HEATR5B: variants seen among roughly 807,000 people sequenced by gnomAD.
The protein encoded by HEATR5B is HEAT repeat-containing protein 5B.
A neutral mutation model predicts 224.1 loss-of-function variants in HEATR5B; 156 were observed. The ratio of observed to expected loss-of-function variants is 0.70; its 90% CI spans 0.61 to 0.80. The LOEUF (loss-of-function observed/expected upper bound fraction) is 0.80. Ranked by LOEUF, HEATR5B falls within the 30% of genes least tolerant of loss-of-function variation. HEATR5B has a pLI of 0.00. For synonymous variants in HEATR5B, 1,027 were observed against 893.0 expected, an observed-to-expected ratio of 1.15 and a Z score of -2.68; for missense variants, 2,323 against 2,535.5, an observed-to-expected ratio of 0.92 and a Z score of 1.80.
At chr2:37,027,769 G>T (rs918322540) in intron 24 of HEATR5B, among the ~76,000 whole-genome samples, 154 bp downstream of exon 24, 1 of 152,130 alleles carries the variant, frequency 6.6e-6, no homozygotes, top group Non-Finnish European at 1.5e-5. Flanking sequence ...ATGCAGAGGG[G>T]ACAGAAAACT....
chr2:36,985,397 T>TA (rs898252701), intron 35 of HEATR5B, among the ~76,000 whole-genome samples: 12 of 151,974 alleles, frequency 7.9e-5, no homozygotes, highest in African/African-American at 2.9e-4. Flanking sequence ...AAACATCTGT[T>TA]ATCTGAGTAG....
rs1212219060 is a variant in HEATR5B at position 37,070,348 on chromosome 2, A to G, written c.809T>C (p.Val270Ala). ...QNVKRATFDE[V>A]LELMATGFLR... The stretch of plus-strand genomic sequence containing the variant: ...AAATCCTGTGGCCATGAGTTCTAAG[A>G]CTTCATCAAATGTTGCTCGCTTCAC... Residue 270 changes from valine to alanine, a missense_variant, in exon 7 of 36, where the codon GTC becomes GCC. Around this residue, in one of 12 missense-constraint regions of HEATR5B, gnomAD observed 292 missense variants for 332.6 expected, o/e 0.88. Transcript: ENST00000233099. 1 of 1,613,942 alleles carries G rather than the reference A, an allele frequency of 6.2e-7. No individual in the cohort carries two copies. The highest frequency in any genetic ancestry group is 8.5e-7 in the Non-Finnish European group (1 of 1,179,942).
At position 37,028,790 on chromosome 2, in the gene HEATR5B, T is replaced by C. The variant is rs770357100; in HGVS notation, c.3492A>G (p.Lys1164=). 3 of 1,613,980 alleles carry C rather than the reference T, an allele frequency of 1.9e-6. No individual in the cohort carries two copies. The highest frequency in any genetic ancestry group is 2.7e-5 in the African/African-American group (2 of 74,910). The change falls in exon 23 of 36, where the codon AAA becomes AAG. Residue 1164 remains lysine, a synonymous_variant. Transcript: ENST00000233099. ...AAGTGTCATGAATATCAGAACATAA[T>C]TTTCGATCTGTCTCCCGGTCTAGCA... ...FGMLDRETDR[K]LCSDIHDTLG...
intron 4 of HEATR5B, among the ~76,000 whole-genome samples, chr2:37,076,428 C>A (rs1672235584): frequency 6.6e-6 from 1 of 151,952 alleles, no homozygotes; most frequent in East Asian, 1.9e-4. Context: ...CATCTACAAG[C>A]CAGGGAAGAT....
chr2:37,016,404 C>T (rs1465350427), intron 26 of HEATR5B, among the ~76,000 whole-genome samples: 2 of 152,112 alleles, frequency 1.3e-5, no homozygotes, highest in African/African-American at 4.8e-5. Context: ...AGCCACCGCG[C>T]CCGGCCACAT....
intron 25 of HEATR5B, among the ~76,000 whole-genome samples, 197 bp downstream of exon 25, chr2:37,020,458 T>C (rs768161128): frequency 3.9e-5 from 6 of 152,170 alleles, no homozygotes; most frequent in Non-Finnish European, 7.3e-5. Flanking sequence ...AACTTAAAAA[T>C]AGTGACAACA....
intron 5 of HEATR5B, among the ~76,000 whole-genome samples, chr2:37,074,061 C>T (rs1304116041): frequency 2.0e-5 from 3 of 152,068 alleles, no homozygotes; most frequent in Non-Finnish European, 4.4e-5. Context: ...GTGGCTCACG[C>T]CTGTAATCCC....
At chr2:37,017,607 A>G (rs1266719461) in intron 26 of HEATR5B, among the ~76,000 whole-genome samples, 1 of 148,230 alleles carries the variant, frequency 6.7e-6, no homozygotes, top group African/African-American at 2.5e-5. Flanking sequence ...AATCGCTTGA[A>G]CCTGGGAGGT....
chr2:37,016,393 G>A (rs893107042), intron 26 of HEATR5B, among the ~76,000 whole-genome samples: 2 of 151,996 alleles, frequency 1.3e-5, no homozygotes, highest in East Asian at 1.9e-4. Context: ...TTACAGGCAC[G>A]AGCCACCGCG....
At chr2:36,999,593 C>T (rs541702740) in intron 33 of HEATR5B, among the ~76,000 whole-genome samples, 1 of 151,962 alleles carries the variant, frequency 6.6e-6, no homozygotes, top group Admixed American at 6.6e-5. Flanking sequence ...GCATGAGAAT[C>T]ACTTGAATCT....
intron 27 of HEATR5B, among the ~76,000 whole-genome samples, chr2:37,013,171 C>A (rs1667898997): frequency 6.6e-6 from 1 of 152,160 alleles, no homozygotes; most frequent in Admixed American, 6.5e-5. Context: ...CGTGGTTTCA[C>A]TTTCTATGGT....
intron 2 of HEATR5B, 45 bp from the exon 3 acceptor site, chr2:37,079,376 TTTG>T (rs1672419827): frequency 1.2e-5 from 12 of 1,033,270 alleles, no homozygotes; most frequent in Non-Finnish European, 1.4e-5. Context: ...AAAAATTTTT[TTTG>T]TTACCTTTTA....
chr2:37,056,105 TCAAA>T (rs1487133571), intron 16 of HEATR5B, among the ~76,000 whole-genome samples: 3 of 152,174 alleles, frequency 2.0e-5, no homozygotes, highest in South Asian at 2.1e-4. Flanking sequence ...GTATGAACTA[TCAAA>T]CAAACTATTA....
At chr2:37,035,417 G>A (rs1669415422) in intron 21 of HEATR5B, among the ~76,000 whole-genome samples, 2 of 152,128 alleles carry the variant, frequency 1.3e-5, no homozygotes, top group South Asian at 2.1e-4. Flanking sequence ...ACTCCGTTGT[G>A]TTCCATTTGT....
At chr2:37,044,052 G>A (rs919300432) in intron 18 of HEATR5B, among the ~76,000 whole-genome samples, 1 of 152,038 alleles carries the variant, frequency 6.6e-6, no homozygotes, top group African/African-American at 2.4e-5. Context: ...AAAATATCAA[G>A]ATGTAATCAA....
intron 33 of HEATR5B, among the ~76,000 whole-genome samples, chr2:36,994,454 GAA>G (rs1216281645): frequency 6.6e-6 from 1 of 152,052 alleles, no homozygotes; most frequent in Non-Finnish European, 1.5e-5. Context: ...TTCCATAATG[GAA>G]ATACTCTATT....
intron 33 of HEATR5B, among the ~76,000 whole-genome samples, chr2:36,993,594 T>A (rs1409991168): frequency 6.7e-6 from 1 of 149,522 alleles, no homozygotes; most frequent in African/African-American, 2.5e-5. Context: ...AGCGAGAAAG[T>A]CTCAAAGTAT....
intron 20 of HEATR5B, among the ~76,000 whole-genome samples, chr2:37,039,057 G>A (rs978686768): frequency 7.3e-5 from 11 of 151,720 alleles, no homozygotes; most frequent in Admixed American, 1.3e-4. Flanking sequence ...GTGGAGGCTC[G>A]TGCCTGTAAT....
chr2:37,064,724 A>G lies in HEATR5B; in HGVS notation c.1584+16T>C. The stretch of plus-strand genomic sequence containing the variant: ...CCCACGTGACAGCATTCCCAAGTCT[A>G]GGATCTCCGTCATACCTTTCCTTTG... On this transcript the variant is annotated intron_variant, in intron 10 of 35. Transcript: ENST00000233099. 6.2e-7 allele frequency: 1 copy of G among 1,612,594 alleles called. No homozygotes were observed. Among genetic ancestry groups the G allele is most frequent in the Non-Finnish European group, 8.5e-7 (1 of 1,178,960 alleles).
Sources: gnomAD v4.1 joint callset for allele counts (sites outside exome capture counted in the v4.1 genomes callset) on GRCh38, gnomAD v4.1.1 for gene constraint, gnomAD v4.1.1 regional missense constraint, MANE v1.5 for transcripts, NCBI Gene and HGNC (gene_info 2026-07-23, HGNC 2026-07-21) for gene names.